Variants in SCML2 observed in about 807,000 individuals in gnomAD.
SCML2 encodes Scm polycomb group protein like 2, also known as sex comb on midleg-like protein 2.
Under a neutral mutation model 48.4 loss-of-function variants are expected in SCML2, and 6 were observed. The ratio of observed to expected loss-of-function variants is 0.12; its 90% CI spans 0.07 to 0.24. The LOEUF is 0.24. Ranked by LOEUF, SCML2 falls within the 10% of genes least tolerant of loss-of-function variation. The pLI, the probability that SCML2 is intolerant of heterozygous loss-of-function variation, is 1.00. For synonymous variants in SCML2, 181 were observed against 189.5 expected (o/e 0.95, Z 0.37); for missense variants, 377 against 528.2 (o/e 0.71, Z 2.81).
At chrX:18,347,312 G>A (rs944098879) in intron 1 of SCML2, among the ~76,000 whole-genome samples, 3 of 108,737 alleles carry the variant, frequency 2.8e-5, no homozygotes, top group Non-Finnish European at 5.7e-5. Flanking sequence ...GGGTGTGGTG[G>A]CGGGCACCTG....
At chrX:18,241,871 G>A (rs1360363761) in intron 14 of SCML2, among the ~76,000 whole-genome samples, 1 of 111,923 alleles carries the variant, frequency 8.9e-6, no homozygotes, top group Non-Finnish European at 1.9e-5. Flanking sequence ...ATAGTGAAAA[G>A]GGTACCTCAG....
intron 7 of SCML2, among the ~76,000 whole-genome samples, chrX:18,289,322 A>G (rs996894564): frequency 1.8e-5 from 2 of 112,410 alleles, no homozygotes; most frequent in Non-Finnish European, 3.8e-5. Context: ...TTGCATCATA[A>G]TAGCCATCTC....
chrX:18,343,923 TAA>T (rs1203495780), intron 1 of SCML2, among the ~76,000 whole-genome samples: 15 of 53,343 alleles, frequency 2.8e-4, no homozygotes, highest in Non-Finnish European at 5.1e-4. Context: ...TGCCTCTATT[TAA>T]AAAAAAAAAA....
chrX:18,319,656 C>T (rs777017974), intron 6 of SCML2, among the ~76,000 whole-genome samples: 2 of 109,954 alleles, frequency 1.8e-5, no homozygotes, highest in Non-Finnish European at 3.8e-5. Context: ...TTCTAGCCTC[C>T]GCAACTGTGA....
intron 1 of SCML2, among the ~76,000 whole-genome samples, chrX:18,341,799 T>G (rs1602150615): frequency 8.9e-6 from 1 of 112,119 alleles, no homozygotes; most frequent in African/African-American, 3.2e-5. Flanking sequence ...AGAAACTATC[T>G]TTGACTATAA....
At chrX:18,350,014 G>A (rs986266068) in intron 1 of SCML2, among the ~76,000 whole-genome samples, 1 of 112,462 alleles carries the variant, frequency 8.9e-6, no homozygotes, top group African/African-American at 3.2e-5. Context: ...TGTAATCCCA[G>A]AACTTCAGGA....
intron 7 of SCML2, among the ~76,000 whole-genome samples, chrX:18,302,040 A>G (rs947198505): frequency 1.8e-5 from 2 of 111,669 alleles, no homozygotes; most frequent in African/African-American, 6.5e-5. Flanking sequence ...AAAGGGACAT[A>G]AAGTGAGGTA....
At chrX:18,296,773 T>G (rs1928409115) in intron 7 of SCML2, among the ~76,000 whole-genome samples, 1 of 111,355 alleles carries the variant, frequency 9.0e-6, no homozygotes, top group African/African-American at 3.3e-5. Flanking sequence ...TCTCCCAACA[T>G]CTTTGGGATG....
At chrX:18,278,032 C>G (rs983332329) in intron 7 of SCML2, among the ~76,000 whole-genome samples, 1 of 111,753 alleles carries the variant, frequency 8.9e-6, no homozygotes. Flanking sequence ...GTGGCACACG[C>G]CAGTAGTCCC....
chrX:18,304,872 TGTACCACCTG>T, intron 7 of SCML2, 90 bp downstream of exon 7: 11 of 977,172 alleles, frequency 1.1e-5, no homozygotes, highest in Non-Finnish European at 1.6e-5. Context: ...AGTTGGGGCA[TGTACCACCTG>T]GTACCACCAA....
chrX:18,271,594 T>C (rs1927462469), intron 7 of SCML2, among the ~76,000 whole-genome samples: 3 of 109,912 alleles, frequency 2.7e-5, no homozygotes. Flanking sequence ...TAGGGAAAAA[T>C]ATTAACAAGC....
At chrX:18,273,481 C>T (rs1303924542) in intron 7 of SCML2, among the ~76,000 whole-genome samples, 1 of 111,667 alleles carries the variant, frequency 9.0e-6, no homozygotes, top group Non-Finnish European at 1.9e-5. Flanking sequence ...TGATGAACGA[C>T]ATTACCTATC....
intron 11 of SCML2, among the ~76,000 whole-genome samples, chrX:18,250,618 T>G (rs981839539): frequency 1.8e-5 from 2 of 110,171 alleles, no homozygotes; most frequent in Admixed American, 1.9e-4. Context: ...CTCCTGGCCT[T>G]GTGATCCACC....
chrX:18,267,730 C>A (rs1287776503), intron 7 of SCML2, among the ~76,000 whole-genome samples: 6 of 108,741 alleles, frequency 5.5e-5, no homozygotes, highest in Non-Finnish European at 7.7e-5. Context: ...GGACTACAGG[C>A]GCCCGCCACT....
At chrX:18,278,146 A>C (rs1326729648) in intron 7 of SCML2, among the ~76,000 whole-genome samples, 1 of 112,064 alleles carries the variant, frequency 8.9e-6, no homozygotes, top group Non-Finnish European at 1.9e-5. Context: ...CAACAGAGTG[A>C]GACCCGATTT....
intron 11 of SCML2, among the ~76,000 whole-genome samples, chrX:18,250,304 C>T (rs1312297116): frequency 8.9e-6 from 1 of 111,816 alleles, no homozygotes; most frequent in Non-Finnish European, 1.9e-5. Context: ...CCTCTGCCTC[C>T]CAGGTTCAAA....
chrX:18,272,091 C>G (rs1394768005), intron 7 of SCML2, among the ~76,000 whole-genome samples: 2 of 111,141 alleles, frequency 1.8e-5, no homozygotes, highest in Non-Finnish European at 3.8e-5. Flanking sequence ...TATTTCTTCT[C>G]TCCCTTCCCC....
chrX:18,326,827 G>A (rs1929496481), intron 3 of SCML2, among the ~76,000 whole-genome samples: 1 of 111,086 alleles, frequency 9.0e-6, no homozygotes, highest in African/African-American at 3.3e-5. Flanking sequence ...GAAAAGTAAT[G>A]TACATGGTAC....
Position 18,334,059 on chromosome X carries a change from C to T in SCML2, c.13G>A (p.Val5Met). The T allele has an allele frequency of 8.4e-7, 1 of 1,197,158 alleles. No individual in the cohort carries two copies. Among genetic ancestry groups the T allele is most frequent in the Non-Finnish European group, 1.1e-6 (1 of 887,964 alleles). Reference sequence around the variant, plus strand: ...AACAAGTAAATCTTACCTTCATTCACTGTTTGTCCCATGGTATCCCTATTT... The same window carrying T: ...AACAAGTAAATCTTACCTTCATTCATTGTTTGTCCCATGGTATCCCTATTT... MGQTVNEDSMDVKKE... is the reference protein window; with the variant it reads MGQTMNEDSMDVKKE... Residue 5 changes from valine (V) to methionine (M), a missense_variant, in exon 2 of 15, where the codon GTG becomes ATG. Around this residue, in one of 3 missense-constraint regions of SCML2, gnomAD observed 61 missense variants for 59.9 expected, o/e 1.02. Coordinates refer to ENST00000251900, the MANE Select transcript of SCML2 (RefSeq NM_006089.3).
Sources: allele counts gnomAD v4.1 joint callset (sites outside exome capture counted in the v4.1 genomes callset), GRCh38; gene constraint gnomAD v4.1.1; regional missense constraint gnomAD v4.1.1; transcripts MANE v1.5; gene names NCBI Gene and HGNC (gene_info 2026-07-23, HGNC 2026-07-21).